The following USP24 variants were observed in gnomAD, a reference collection of about 807,000 sequenced individuals.
The protein encoded by USP24 is ubiquitin specific peptidase 24, also known as ubiquitin carboxyl-terminal hydrolase 24.
USP24 carries 97 observed loss-of-function variants against 361.6 expected under a neutral mutation model. The ratio of observed to expected loss-of-function variants is 0.27; its 90% confidence interval spans 0.23 to 0.32. The LOEUF (loss-of-function observed/expected upper bound fraction) is 0.32. Ranked by LOEUF, USP24 falls within the 10% of genes least tolerant of loss-of-function variation. The pLI is 1.00. For synonymous variants in USP24, 1,098 were observed against 1,124.6 expected, an observed-to-expected ratio of 0.98 and a Z score of 0.47; for missense variants, 2,353 against 3,165.6, an observed-to-expected ratio of 0.74 and a Z score of 6.16.
intron 38 of USP24, among the ~76,000 whole-genome samples, chr1:55,119,111 A>G (rs556362571): frequency 6.6e-5 from 10 of 152,334 alleles, no homozygotes; most frequent in African/African-American, 2.4e-4. Flanking sequence ...TCACACAGAT[A>G]TTTGCATACC....
At chr1:55,210,314 T>C (rs1644818262) in intron 1 of USP24, among the ~76,000 whole-genome samples, 1 of 152,224 alleles carries the variant, frequency 6.6e-6, no homozygotes, top group African/African-American at 2.4e-5. Context: ...TTCCCTATTT[T>C]TATTTCATCT....
intron 31 of USP24, among the ~76,000 whole-genome samples, chr1:55,131,687 C>T (rs1557608676): frequency 6.6e-6 from 1 of 151,986 alleles, no homozygotes; most frequent in African/African-American, 2.4e-5. Context: ...TTATATGCTC[C>T]CAATCAGATT....
Position 55,071,080 on chromosome 1 carries a change from G to C in USP24, c.7800+734C>G, listed in dbSNP as rs1011871934. Reference sequence around the variant, plus strand: ...ACCTTTCTGTAAAATCAGGGTGACAGCTGCCTCACATAGTGCTTATGAGGA... The same window carrying C: ...ACCTTTCTGTAAAATCAGGGTGACACCTGCCTCACATAGTGCTTATGAGGA... On this transcript the variant is annotated intron_variant, in intron 67 of 67. Transcript: ENST00000294383. 3.2e-6 allele frequency: 3 copies of C among 952,334 alleles called. No individual in the cohort carries two copies. In the Admixed American group the frequency reaches 1.8e-4, roughly 59 times the overall value. 59.0% of individuals were successfully genotyped at this position (952,334 alleles called of 1,614,324 possible). A position where few individuals can be genotyped will look rare whatever the true frequency, so the allele number is the denominator to read the frequency against.
In USP24 at chr1:55,093,944, AT is replaced by A; in HGVS notation, c.6346del (p.Ile2116TyrfsTer5). ...TTTTTATATGGTTCTTACCTGGTATATTCGAGCAGGCATTTTCTCCACAAAC... is the reference window on the plus strand; with the variant it reads ...TTTTTATATGGTTCTTACCTGGTATATCGAGCAGGCATTTTCTCCACAAAC... ...GLFVEKMPARIYQMVRDENLK... is the reference protein window; with the variant it reads ...GLFVEKMPARXYQMVRDENLK... On this transcript the variant is annotated frameshift_variant, in exon 52 of 68. Transcript: ENST00000294383. LOFTEE classifies it high-confidence loss of function. The A allele has an allele frequency of 6.2e-7, 1 of 1,613,600 alleles. No homozygotes were observed. Among genetic ancestry groups the A allele is most frequent in the Non-Finnish European group, 8.5e-7 (1 of 1,179,830 alleles).
intron 1 of USP24, among the ~76,000 whole-genome samples, chr1:55,199,258 T>C (rs1032001533): frequency 2.6e-5 from 4 of 151,942 alleles, no homozygotes; most frequent in African/African-American, 7.3e-5. Flanking sequence ...CACTGCACTT[T>C]AGCTTGGGCG....
At chr1:55,120,819 A>G in intron 37 of USP24, 63 bp from the exon 38 acceptor site, 2 of 1,438,022 alleles carry the variant, frequency 1.4e-6, no homozygotes, top group Non-Finnish European at 1.8e-6. Flanking sequence ...CTGCTTAAAA[A>G]GTGATTTTCT....
intron 60 of USP24, 77 bp downstream of exon 60, chr1:55,079,461 C>G: frequency 5.9e-6 from 9 of 1,520,694 alleles, no homozygotes; most frequent in Non-Finnish European, 7.9e-6. Context: ...CTCTTCATGC[C>G]AAACATAACT....
chr1:55,159,159 G>T, intron 9 of USP24, 123 bp from the exon 10 acceptor site: 1 of 873,582 alleles, frequency 1.1e-6, no homozygotes, highest in Non-Finnish European at 1.6e-6. Context: ...ATTTTACAAG[G>T]CCAATTAACT....
chr1:55,080,214 G>C (rs1038596283), intron 59 of USP24, among the ~76,000 whole-genome samples: 2 of 152,052 alleles, frequency 1.3e-5, no homozygotes, highest in Non-Finnish European at 2.9e-5. Context: ...TTTAATTTTC[G>C]TTACAAAATT....
chr1:55,147,893 T>C (rs1647075119), intron 17 of USP24, 95 bp from the exon 18 acceptor site: 1 of 1,303,410 alleles, frequency 7.7e-7, no homozygotes, highest in Admixed American at 2.5e-5. Context: ...TAGTCCTAGA[T>C]GAGACAAAGC....
rs369290425 is a variant in USP24, at chr1:55,085,939, G to T, written c.6765+3C>A. On this transcript the variant is annotated splice_donor_region_variant and intron_variant, in intron 56 of 67. Coordinates refer to ENST00000294383, the MANE Select transcript of USP24 (RefSeq NM_015306.3). ...TAAATAACGTTTTAAAAATGAGACC[G>T]ACCTTATCCTGATAAAACAAGGCAC... 3.7e-6 allele frequency: 6 copies of T among 1,612,894 alleles called. No homozygotes were observed. The highest frequency in any genetic ancestry group is 5.1e-6 in the Non-Finnish European group (6 of 1,179,272).
chr1:55,149,722 A>C (rs529640300), intron 16 of USP24, among the ~76,000 whole-genome samples: 21 of 152,344 alleles, frequency 1.4e-4, no homozygotes, highest in Admixed American at 1.3e-3. Context: ...AGCTGTGCTT[A>C]CCTGAGTATG....
At position 55,139,016 on chromosome 1, in the gene USP24, G is replaced by C; in HGVS notation, c.2751-6C>G. 4.4e-6 allele frequency: 7 copies of C among 1,592,780 alleles called. No homozygotes were observed. Among genetic ancestry groups the C allele is most frequent in the Non-Finnish European group, 6.0e-6 (7 of 1,168,938 alleles). ...TTATTACAAGTTTAGTAGATCTATA[G>C]ATTAAAAAAAAAAAGTATTAAAATG... On this transcript the variant is annotated splice_region_variant and splice_polypyrimidine_tract_variant and intron_variant, in intron 24 of 67. Transcript: ENST00000294383.
intron 1 of USP24, among the ~76,000 whole-genome samples, chr1:55,200,792 TAAGTG>T (rs1644549661): frequency 6.6e-6 from 1 of 152,214 alleles, no homozygotes; most frequent in Admixed American, 6.5e-5. Flanking sequence ...AGAGCTCACC[TAAGTG>T]ATGTAACAAA....
rs950435008 is a variant in USP24, at chr1:55,067,992, G to A, written c.*1053C>T. 2.0e-5 allele frequency: 3 copies of A among 152,202 alleles called. No homozygotes were observed. The South Asian group carries it at 6.2e-4, about 31-fold the overall frequency. 9.4% of individuals were successfully genotyped at this position (152,202 alleles called of 1,614,324 possible). ...CAGTGTTAATTAGTCATGTTGAGGAGAAACAAATTCTCAAATTCCTTCTCT... is the reference window on the plus strand; with the variant it reads ...CAGTGTTAATTAGTCATGTTGAGGAAAAACAAATTCTCAAATTCCTTCTCT... On this transcript the variant is annotated 3_prime_UTR_variant, in exon 68 of 68. Transcript: ENST00000294383.
rs1312808244 is a variant in USP24, at chr1:55,215,047, T to C, written c.67A>G (p.Ile23Val). ...TTGGCCAGGCGCAGGGCCTTGCGGA[T>C]GGTGGCGGGGTCTGAGAAGCCCATG... ...LCMGFSDPAT[I>V]RKALRLAKND... The change falls in exon 1 of 68, where the codon ATC (isoleucine) becomes GTC (valine). Residue 23 changes from isoleucine (I) to valine (V), a missense_variant. Transcript: ENST00000294383. The C allele has an allele frequency of 2.0e-6, 3 of 1,469,160 alleles. No homozygotes were observed. The Admixed American group carries it at 6.4e-5, about 31-fold the overall frequency. 91.0% of individuals were successfully genotyped at this position (1,469,160 alleles called of 1,614,324 possible). A position where few individuals can be genotyped will look rare whatever the true frequency, so the allele number is the denominator to read the frequency against.
chr1:55,130,676 T>C (rs1302583072), intron 31 of USP24, among the ~76,000 whole-genome samples: 1 of 152,156 alleles, frequency 6.6e-6, no homozygotes, highest in African/African-American at 2.4e-5. Context: ...TTCTAAGCCT[T>C]TCAAATATAT....
intron 21 of USP24, 52 bp from the exon 22 acceptor site, chr1:55,143,171 T>C: frequency 1.5e-6 from 2 of 1,330,348 alleles, no homozygotes; most frequent in South Asian, 1.7e-5. Context: ...ATCACAAAGT[T>C]ACAAAATCAC....
In USP24 at chr1:55,085,536, C is replaced by T. The variant is rs78677792; in HGVS notation, c.6765+406G>A. On this transcript the variant is annotated intron_variant, in intron 56 of 67. Transcript: ENST00000294383. Reference sequence around the variant, plus strand: ...TAGCACTATTTGGTTTGGTTGCCAGCTGCAGGTTTAGATCAGGAAAATAGC... The same window carrying T: ...TAGCACTATTTGGTTTGGTTGCCAGTTGCAGGTTTAGATCAGGAAAATAGC... Among the ~76,000 whole-genome samples, 515 of 152,322 alleles carry T rather than the reference C, an allele frequency of 3.4e-3. 4 individuals carry two copies. The highest frequency in any genetic ancestry group is 0.012 in the African/African-American group (497 of 41,572).
Sources: allele counts gnomAD v4.1 joint callset (sites outside exome capture counted in the v4.1 genomes callset), GRCh38; gene constraint gnomAD v4.1.1; transcripts MANE v1.5; gene names NCBI Gene and HGNC (gene_info 2026-07-23, HGNC 2026-07-21).